The following STAG1 variants were observed in gnomAD, a reference collection of about 807,000 sequenced individuals.
The protein encoded by STAG1 is cohesin subunit SA-1.
A neutral mutation model predicts 170.9 loss-of-function variants in STAG1; 26 were observed. That is an observed-to-expected ratio of 0.15 (90% CI 0.11 to 0.21). The LOEUF (loss-of-function observed/expected upper bound fraction) is 0.21, where lower values mean the gene tolerates loss of function less well. STAG1 is among the 10% of genes least tolerant of loss of function. The pLI, the probability that STAG1 is intolerant of heterozygous loss-of-function variation, is 1.00. For missense variants in STAG1, 964 were observed against 1,509.5 expected (o/e 0.64, Z 5.99); for synonymous variants, 514 against 497.7 (o/e 1.03, Z -0.44).
At chr3:136,743,311 T>C (rs542111612) in intron 1 of STAG1, among the ~76,000 whole-genome samples, 122 of 150,854 alleles carry the variant, frequency 8.1e-4, no homozygotes, top group South Asian at 2.3e-3. Flanking sequence ...GAAGTTACAG[T>C]GAGCTAAGAT....
chr3:136,623,471 A>C (rs1356725325), intron 2 of STAG1, among the ~76,000 whole-genome samples: 1 of 152,214 alleles, frequency 6.6e-6, no homozygotes. Context: ...AAGAGGAAGA[A>C]ATGATTGTGG....
intron 9 of STAG1, among the ~76,000 whole-genome samples, chr3:136,491,829 T>C (rs2090130417): frequency 6.6e-6 from 1 of 151,834 alleles, no homozygotes; most frequent in African/African-American, 2.4e-5. Flanking sequence ...CCTGTCTCTA[T>C]TAAAAATACA....
At chr3:136,541,443 G>A (rs1220627183) in intron 6 of STAG1, among the ~76,000 whole-genome samples, 2 of 151,522 alleles carry the variant, frequency 1.3e-5, no homozygotes, top group Non-Finnish European at 2.9e-5. Context: ...AAATGAGAAA[G>A]GTGATTAATT....
rs2089413197 is a variant in STAG1 at position 136,465,066 on chromosome 3, G to T, written c.1206-78C>A. The T allele has an allele frequency of 1.5e-5, 16 of 1,081,308 alleles. No individual in the cohort carries two copies. In the Admixed American group the frequency reaches 4.3e-4, roughly 29 times the overall value. The allele number at this position is 1,081,308 out of a possible 1,614,324, so 67.0% of individuals were successfully genotyped here. A position where few individuals can be genotyped will look rare whatever the true frequency, so the allele number is the denominator to read the frequency against. On this transcript the variant is annotated intron_variant, in intron 12 of 33. Coordinates refer to ENST00000383202, the MANE Select transcript of STAG1 (RefSeq NM_005862.3). ...TCTACTTTTATTTAAACTTGCTAAAGTTCATTATAAAGCTCAAGACTTAAT... is the reference window on the plus strand; with the variant it reads ...TCTACTTTTATTTAAACTTGCTAAATTTCATTATAAAGCTCAAGACTTAAT...
chr3:136,389,988 C>G (rs995657640), intron 22 of STAG1, among the ~76,000 whole-genome samples: 1 of 151,714 alleles, frequency 6.6e-6, no homozygotes, highest in South Asian at 2.1e-4. Flanking sequence ...CCCGCCACCA[C>G]GCCCAACTAA....
intron 21 of STAG1, among the ~76,000 whole-genome samples, chr3:136,400,033 T>G (rs1431356176): frequency 1.3e-5 from 2 of 149,832 alleles, no homozygotes; most frequent in Non-Finnish European, 3.0e-5. Flanking sequence ...GGTGGTCCTC[T>G]CGCCTCAGCC....
At chr3:136,347,999 C>T (rs1936297367) in intron 29 of STAG1, among the ~76,000 whole-genome samples, 1 of 152,154 alleles carries the variant, frequency 6.6e-6, no homozygotes, top group Non-Finnish European at 1.5e-5. Flanking sequence ...AATACTGTTT[C>T]CCCAATAATG....
intron 29 of STAG1, among the ~76,000 whole-genome samples, chr3:136,345,780 G>C (rs143265663): frequency 1.3e-5 from 2 of 151,704 alleles, no homozygotes; most frequent in Non-Finnish European, 1.5e-5. Context: ...GTTTCTCCTC[G>C]TATTTCTCAG....
chr3:136,442,506 T>C (rs372120797), intron 15 of STAG1, among the ~76,000 whole-genome samples: 20 of 152,348 alleles, frequency 1.3e-4, no homozygotes, highest in South Asian at 4.1e-4. Context: ...AAAATTATCA[T>C]GTGGCTCTTA....
At chr3:136,395,558 T>C (rs569334919) in intron 22 of STAG1, among the ~76,000 whole-genome samples, 2 of 151,960 alleles carry the variant, frequency 1.3e-5, no homozygotes, top group Non-Finnish European at 1.5e-5. Context: ...GAGGTAGAGG[T>C]TGCAGTGAGT....
At chr3:136,366,586 C>T (rs554710662) in intron 25 of STAG1, among the ~76,000 whole-genome samples, 8 of 152,276 alleles carry the variant, frequency 5.3e-5, no homozygotes, top group Admixed American at 5.2e-4. Context: ...AGAACATTCT[C>T]TCTGACACAA....
At chr3:136,560,767 C>T (rs553984476) in intron 5 of STAG1, among the ~76,000 whole-genome samples, 2 of 152,256 alleles carry the variant, frequency 1.3e-5, no homozygotes, top group African/African-American at 2.4e-5. Context: ...ACCAATACTG[C>T]ACCTTAGGGC....
At chr3:136,455,033 G>A (rs188617458) in intron 13 of STAG1, among the ~76,000 whole-genome samples, 13 of 152,212 alleles carry the variant, frequency 8.5e-5, no homozygotes, top group Non-Finnish European at 1.0e-4. Context: ...TCCAAGACAC[G>A]GGCCTAAAAA....
intron 1 of STAG1, among the ~76,000 whole-genome samples, chr3:136,636,824 C>T (rs1424180797): frequency 2.6e-5 from 4 of 152,196 alleles, no homozygotes; most frequent in African/African-American, 4.8e-5. Context: ...AGCTCAGAAT[C>T]GCAGGTGGCC....
At chr3:136,675,995 T>C (rs945986796) in intron 1 of STAG1, among the ~76,000 whole-genome samples, 1 of 152,260 alleles carries the variant, frequency 6.6e-6, no homozygotes, top group Non-Finnish European at 1.5e-5. Flanking sequence ...CTAAGCTATA[T>C]GGTATAGCCT....
rs773804218 is a variant in STAG1, at chr3:136,398,731, AC to A, written c.2277+17del. 2.6e-6 allele frequency: 4 copies of A among 1,554,472 alleles called. No individual in the cohort carries two copies. In the South Asian group the frequency reaches 3.5e-5, roughly 14 times the overall value. ...TATTTCAGTAATAACCCTTCTGCCT[AC>A]AGAAACTCTTACTTACTTTGGAAGG... On this transcript the variant is annotated intron_variant, in intron 22 of 33. Transcript: ENST00000383202.
chr3:136,586,946 G>A, intron 4 of STAG1: 1 of 453,824 alleles, frequency 2.2e-6, no homozygotes, highest in South Asian at 1.6e-5. Flanking sequence ...AGAAGAGCCA[G>A]AAAATGGAGG....
intron 1 of STAG1, among the ~76,000 whole-genome samples, chr3:136,688,869 C>T (rs1942627369): frequency 6.6e-6 from 1 of 152,156 alleles, no homozygotes; most frequent in South Asian, 2.1e-4. Flanking sequence ...AATTTATTAA[C>T]ACCAAAGGAA....
chr3:136,607,300 G>A (rs1938999851), intron 3 of STAG1, among the ~76,000 whole-genome samples: 1 of 152,128 alleles, frequency 6.6e-6, no homozygotes, highest in African/African-American at 2.4e-5. Flanking sequence ...CTCTCACATG[G>A]AAGATTTGTC....
Sources: gnomAD v4.1 joint callset for allele counts (sites outside exome capture counted in the v4.1 genomes callset) on GRCh38, gnomAD v4.1.1 for gene constraint, MANE v1.5 for transcripts, NCBI Gene and HGNC (gene_info 2026-07-23, HGNC 2026-07-21) for gene names.